The following SLC30A7 variants were observed in gnomAD, a reference collection of about 807,000 sequenced individuals.
SLC30A7 encodes the protein zinc transporter 7.
In SLC30A7, 35 loss-of-function variants were observed where a neutral mutation model predicts 46.0. The observed-to-expected ratio is 0.76, with a 90% CI of 0.58 to 1.01. SLC30A7 has a LOEUF of 1.01. Among genes scored for constraint, SLC30A7 ranks in the 50% least tolerant of loss-of-function variants. The pLI, the probability that SLC30A7 is intolerant of heterozygous loss-of-function variation, is 0.00. For synonymous variants in SLC30A7, 147 were observed against 157.8 expected, an observed-to-expected ratio of 0.93 and a Z score of 0.51; for missense variants, 464 against 451.1, an observed-to-expected ratio of 1.03 and a Z score of -0.26.
intron 3 of SLC30A7, among the ~76,000 whole-genome samples, chr1:100,908,992 TG>T (rs1242983618): frequency 6.6e-6 from 1 of 152,078 alleles, no homozygotes; most frequent in African/African-American, 2.4e-5. Flanking sequence ...AGCTAGTTGA[TG>T]TAAGAGAATA....
chr1:100,929,084 T>A (rs1249281001), intron 8 of SLC30A7, among the ~76,000 whole-genome samples: 1 of 138,136 alleles, frequency 7.2e-6, no homozygotes, highest in East Asian at 2.6e-4. Flanking sequence ...GGAGAAACTA[T>A]ATATAGAGAG....
intron 8 of SLC30A7, among the ~76,000 whole-genome samples, chr1:100,940,265 A>C (rs752177059): frequency 6.6e-6 from 1 of 152,220 alleles, no homozygotes; most frequent in African/African-American, 2.4e-5. Flanking sequence ...GAAACATTTC[A>C]AATGGGTTAG....
At chr1:100,898,230 T>G (rs1651094876) in intron 2 of SLC30A7, among the ~76,000 whole-genome samples, 1 of 152,200 alleles carries the variant, frequency 6.6e-6, no homozygotes, top group Non-Finnish European at 1.5e-5. Context: ...ATTACATAAG[T>G]CACTCTGTGA....
chr1:100,990,733 A>G, the SLC30A7 span: 3 of 1,083,760 alleles, frequency 2.8e-6, no homozygotes, highest in Non-Finnish European at 4.0e-6. Flanking sequence ...AGAAGCCCCA[A>G]ATATCTTAAA....
rs1420011947 is a variant in SLC30A7, at chr1:100,977,809, A to C, written c.*2952A>C. 1.3e-5 allele frequency: 2 copies of C among 152,164 alleles called. No homozygotes were observed. The highest frequency in any genetic ancestry group is 4.8e-5 in the African/African-American group (2 of 41,410). The allele number at this position is 152,164 out of a possible 1,614,324, so 9.4% of individuals were successfully genotyped here. The stretch of plus-strand genomic sequence containing the variant: ...ACTCTTGTCGCCCAGGCTGGAGTGT[A>C]GTGGCGCAGTCTCAGCTCACTGCAA... On this transcript the variant is annotated 3_prime_UTR_variant, in exon 11 of 11. Transcript: ENST00000357650.
chr1:100,973,294 TC>T, intron 10 of SLC30A7, among the ~76,000 whole-genome samples: 1 of 152,250 alleles, frequency 6.6e-6, no homozygotes, highest in East Asian at 1.9e-4. Flanking sequence ...ATAGATTTTT[TC>T]CTCACTCTGA....
At chr1:100,899,290 A>G (rs1651155629) in intron 2 of SLC30A7, among the ~76,000 whole-genome samples, 1 of 152,218 alleles carries the variant, frequency 6.6e-6, no homozygotes, top group Non-Finnish European at 1.5e-5. Flanking sequence ...AATGTATGGA[A>G]TTACACTACC....
At chr1:100,946,282 TTCTC>T (rs746441679) in intron 8 of SLC30A7, among the ~76,000 whole-genome samples, 1 of 152,202 alleles carries the variant, frequency 6.6e-6, no homozygotes, top group Non-Finnish European at 1.5e-5. Flanking sequence ...GTTTCTTTCT[TTCTC>T]TTGCCTGATT....
the SLC30A7 span, among the ~76,000 whole-genome samples, chr1:100,994,083 T>A: frequency 6.6e-6 from 1 of 152,134 alleles, no homozygotes; most frequent in Non-Finnish European, 1.5e-5. Flanking sequence ...ATCCAAAATG[T>A]TGTAATTTAA....
chr1:100,932,970 T>C (rs1570549568), intron 8 of SLC30A7, among the ~76,000 whole-genome samples: 3 of 150,264 alleles, frequency 2.0e-5, no homozygotes, highest in Admixed American at 1.3e-4. Flanking sequence ...CCACTCTTTT[T>C]CTTTTTTCTT....
chr1:100,921,720 A>G lies in SLC30A7; in HGVS notation c.721A>G (p.Ile241Val), dbSNP rs775144803. 11 of 1,610,370 alleles carry G rather than the reference A, an allele frequency of 6.8e-6. No homozygotes were observed. The Admixed American group carries it at 1.7e-4, about 25-fold the overall frequency. ...RQILQGVFLH[I>V]LADTLGSIGV... Reference sequence around the variant, plus strand: ...TTTATTTCTAGGTGTATTTTTACATATCCTAGCAGATACACTTGGAAGTAT... The same window carrying G: ...TTTATTTCTAGGTGTATTTTTACATGTCCTAGCAGATACACTTGGAAGTAT... The change falls in exon 8 of 11, where the codon ATC becomes GTC. Residue 241 changes from isoleucine (I) to valine (V), a missense_variant. Coordinates refer to ENST00000357650, the MANE Select transcript of SLC30A7 (RefSeq NM_133496.5).
At chr1:100,918,947 C>T (rs1332545191) in intron 7 of SLC30A7, among the ~76,000 whole-genome samples, 13 of 152,176 alleles carry the variant, frequency 8.5e-5, no homozygotes, top group Non-Finnish European at 4.4e-5. Flanking sequence ...ACTGCTTTCA[C>T]ACCATCATGA....
At chr1:100,931,572 C>T (rs1346992068) in intron 8 of SLC30A7, among the ~76,000 whole-genome samples, 1 of 151,974 alleles carries the variant, frequency 6.6e-6, no homozygotes, top group Non-Finnish European at 1.5e-5. Flanking sequence ...TGTTCAGTTA[C>T]CAGAATTTAG....
intron 10 of SLC30A7, among the ~76,000 whole-genome samples, chr1:100,969,720 T>A (rs1275626387): frequency 6.6e-6 from 1 of 152,206 alleles, no homozygotes; most frequent in Non-Finnish European, 1.5e-5. Context: ...CTTTATTTCA[T>A]TCCTTGCAGA....
At position 100,974,998 on chromosome 1, in the gene SLC30A7, G is replaced by A. The variant is rs149183895; in HGVS notation, c.*141G>A. On this transcript the variant is annotated 3_prime_UTR_variant, in exon 11 of 11. Coordinates refer to ENST00000357650, the MANE Select transcript of SLC30A7 (RefSeq NM_133496.5). Reference sequence around the variant, plus strand: ...CTAAGTAGACGGGGTAGAGTCAGCCGTTCATGCTTTGTGGGGAGTTCACAG... The same window carrying A: ...CTAAGTAGACGGGGTAGAGTCAGCCATTCATGCTTTGTGGGGAGTTCACAG... The A allele has an allele frequency of 1.2e-4, 62 of 529,556 alleles. No homozygotes were observed. The highest frequency in any genetic ancestry group is 1.1e-3 in the African/African-American group (56 of 51,780). 32.8% of individuals were successfully genotyped at this position (529,556 alleles called of 1,614,324 possible). A position where few individuals can be genotyped will look rare whatever the true frequency, so the allele number is the denominator to read the frequency against.
downstream of SLC30A7, among the ~76,000 whole-genome samples, chr1:100,984,425 T>G (rs1657153676): frequency 6.6e-6 from 1 of 152,188 alleles, no homozygotes; most frequent in African/African-American, 2.4e-5. Flanking sequence ...ATAAAGTTGT[T>G]TATGAACCCC....
chr1:100,987,475 G>C, the SLC30A7 span, among the ~76,000 whole-genome samples: 1 of 151,914 alleles, frequency 6.6e-6, no homozygotes, highest in Non-Finnish European at 1.5e-5. Context: ...TCATCTCTAT[G>C]CTACGGTTAA....
At chr1:100,910,897 T>C (rs1652039517) in intron 3 of SLC30A7, among the ~76,000 whole-genome samples, 166 bp from the exon 4 acceptor site, 1 of 152,168 alleles carries the variant, frequency 6.6e-6, no homozygotes, top group African/African-American at 2.4e-5. Flanking sequence ...CGTTTCCTCA[T>C]TTCTACTATA....
chr1:100,939,611 C>T (rs771104782), intron 8 of SLC30A7, among the ~76,000 whole-genome samples: 8 of 150,510 alleles, frequency 5.3e-5, no homozygotes, highest in Non-Finnish European at 1.0e-4. Context: ...CCAGGGTGGG[C>T]AGATCACGAG....
Sources: gnomAD v4.1 joint callset for allele counts (sites outside exome capture counted in the v4.1 genomes callset) on GRCh38, gnomAD v4.1.1 for gene constraint, MANE v1.5 for transcripts, NCBI Gene and HGNC (gene_info 2026-07-23, HGNC 2026-07-21) for gene names.